Variants in IFT74 observed in about 807,000 individuals in gnomAD.
IFT74 encodes the protein intraflagellar transport 74.
IFT74 carries 92 observed loss-of-function variants against 96.7 expected under a neutral mutation model. The ratio of observed to expected loss-of-function variants is 0.95; its 90% confidence interval spans 0.80 to 1.13. IFT74 has a LOEUF of 1.13. Ranked by LOEUF, IFT74 falls within the 50% of genes most tolerant of loss-of-function variation. The probability of loss-of-function intolerance (pLI) is 0.00; values close to 1 mark genes in which losing one functional copy is unlikely to be tolerated. For missense variants in IFT74, 811 were observed against 698.2 expected (o/e 1.16, Z -1.82); for synonymous variants, 223 against 213.2 (o/e 1.05, Z -0.40).
At chr9:26,971,199 C>T (rs1236425102) in intron 2 of IFT74, among the ~76,000 whole-genome samples, 1 of 152,082 alleles carries the variant, frequency 6.6e-6, no homozygotes, top group Admixed American at 6.5e-5. Flanking sequence ...TTCAGGCAAC[C>T]GATGGGGGGC....
intron 19 of IFT74, chr9:27,060,884 A>C (rs111260727): frequency 0.011 from 2,688 of 240,456 alleles, 72 homozygotes; most frequent in African/African-American, 0.057. Context: ...ATGGCGTGAA[A>C]CCGGGAGGTG....
At chr9:27,011,689 A>G (rs997038986) in intron 9 of IFT74, among the ~76,000 whole-genome samples, 1 of 151,638 alleles carries the variant, frequency 6.6e-6, no homozygotes, top group Non-Finnish European at 1.5e-5. Flanking sequence ...GTTTTTAAGA[A>G]TAATGAAAGA....
At chr9:26,980,050 C>T (rs1827302956) in intron 3 of IFT74, among the ~76,000 whole-genome samples, 1 of 152,054 alleles carries the variant, frequency 6.6e-6, no homozygotes, top group South Asian at 2.1e-4. Context: ...AATGTAAGAC[C>T]ATTTCTTAAA....
At chr9:26,953,213 T>A (rs1825987953), upstream of IFT74, among the ~76,000 whole-genome samples, 1 of 152,146 alleles carries the variant, frequency 6.6e-6, no homozygotes, top group Non-Finnish European at 1.5e-5. Flanking sequence ...TCAAATGCCT[T>A]CAGGTTAAAA....
intron 4 of IFT74, among the ~76,000 whole-genome samples, chr9:26,981,651 C>T (rs1248081285): frequency 6.6e-6 from 1 of 152,034 alleles, no homozygotes; most frequent in Non-Finnish European, 1.5e-5. Context: ...AACTCCTGAC[C>T]TCAAATGATC....
At chr9:26,990,230 G>A (rs1827806288) in intron 8 of IFT74, 35 bp downstream of exon 8, 10 of 1,145,068 alleles carry the variant, frequency 8.7e-6, no homozygotes, top group Non-Finnish European at 1.1e-5. Flanking sequence ...AGATTCATAA[G>A]TAAGCTTTAT....
At chr9:27,046,914 C>T (rs1385602608) in intron 14 of IFT74, among the ~76,000 whole-genome samples, 3 of 152,206 alleles carry the variant, frequency 2.0e-5, no homozygotes, top group South Asian at 4.1e-4. Flanking sequence ...GTGGCTCAAG[C>T]TTATAATCCC....
intron 10 of IFT74, among the ~76,000 whole-genome samples, chr9:27,016,372 A>G (rs1189076918): frequency 6.6e-6 from 1 of 152,210 alleles, no homozygotes; most frequent in Non-Finnish European, 1.5e-5. Context: ...CCTAATGACC[A>G]TATCTTAACT....
intron 7 of IFT74, among the ~76,000 whole-genome samples, chr9:26,989,309 C>T (rs1017855014): frequency 6.6e-6 from 1 of 151,972 alleles, no homozygotes; most frequent in African/African-American, 2.4e-5. Flanking sequence ...CAAACCTTAC[C>T]GTTATACAAT....
At chr9:27,036,516 C>A in intron 13 of IFT74, 1 of 1,610,196 alleles carries the variant, frequency 6.2e-7, no homozygotes, top group East Asian at 2.2e-5. Flanking sequence ...CAAGTTTGAA[C>A]CTGCCATGTG....
chr9:27,052,002 C>T (rs1009237765), intron 16 of IFT74, among the ~76,000 whole-genome samples: 24 of 152,082 alleles, frequency 1.6e-4, no homozygotes, highest in South Asian at 2.1e-4. Flanking sequence ...ACCTCTGTTT[C>T]GTATTTTAGA....
intron 13 of IFT74, among the ~76,000 whole-genome samples, chr9:27,029,689 G>A (rs972738374): frequency 9.2e-5 from 14 of 152,070 alleles, no homozygotes; most frequent in Admixed American, 2.0e-4. Context: ...CAGAGGTTGC[G>A]GTGAGTCAAG....
chr9:26,959,324 T>C (rs1242653961), intron 1 of IFT74, among the ~76,000 whole-genome samples: 1 of 152,256 alleles, frequency 6.6e-6, no homozygotes, highest in East Asian at 1.9e-4. Context: ...TTAGCCAGGA[T>C]GGTCTCGATC....
chr9:26,995,580 C>T, intron 8 of IFT74: 1 of 1,599,916 alleles, frequency 6.3e-7, no homozygotes, highest in South Asian at 1.1e-5. Flanking sequence ...AATCCATCAT[C>T]ATCTACCACA....
At chr9:27,018,501 A>G (rs1829455983) in intron 11 of IFT74, 146 bp from the exon 12 acceptor site, 6 of 437,272 alleles carry the variant, frequency 1.4e-5, no homozygotes, top group Non-Finnish European at 2.5e-5. Flanking sequence ...CTTTAACTTC[A>G]AAGGTTGAAA....
At chr9:27,045,038 C>T (rs1444114503) in intron 14 of IFT74, among the ~76,000 whole-genome samples, 3 of 152,128 alleles carry the variant, frequency 2.0e-5, no homozygotes, top group Admixed American at 6.5e-5. Flanking sequence ...TACTTACATT[C>T]GTAGTCTGTA....
chr9:27,034,376 A>G (rs1230409051), intron 13 of IFT74, among the ~76,000 whole-genome samples: 2 of 152,206 alleles, frequency 1.3e-5, no homozygotes, highest in African/African-American at 4.8e-5. Flanking sequence ...CAAAGTAGTA[A>G]AATAACAAAA....
At chr9:26,973,697 C>T (rs958137005) in intron 2 of IFT74, among the ~76,000 whole-genome samples, 4 of 152,176 alleles carry the variant, frequency 2.6e-5, no homozygotes, top group Admixed American at 2.0e-4. Flanking sequence ...TTTGTATTTT[C>T]CAAGATTTTT....
intron 2 of IFT74, among the ~76,000 whole-genome samples, chr9:26,966,083 C>T (rs969271630): frequency 2.0e-5 from 3 of 151,756 alleles, no homozygotes; most frequent in African/African-American, 7.3e-5. Flanking sequence ...CCTCCATCTC[C>T]ATTGATGGAC....
Sources: gnomAD v4.1 joint callset for allele counts (sites outside exome capture counted in the v4.1 genomes callset) on GRCh38, gnomAD v4.1.1 for gene constraint, MANE v1.5 for transcripts, NCBI Gene and HGNC (gene_info 2026-07-23, HGNC 2026-07-21) for gene names.